ZBTB20: variants seen among roughly 807,000 people sequenced by gnomAD.
ZBTB20 encodes zinc finger and BTB domain-containing protein 20.
A neutral mutation model predicts 56.9 loss-of-function variants in ZBTB20; 9 were observed. The ratio of observed to expected loss-of-function variants is 0.16; its 90% CI spans 0.10 to 0.28. The LOEUF (loss-of-function observed/expected upper bound fraction) is 0.28. Among genes scored for constraint, ZBTB20 ranks in the 10% least tolerant of loss-of-function variants. The pLI is 1.00. For missense variants in ZBTB20, 655 were observed against 1,003.0 expected (o/e 0.65, Z 4.69); for synonymous variants, 417 against 420.7 (o/e 0.99, Z 0.11).
chr3:114,651,794 T>C (rs2060148991), intron 6 of ZBTB20, among the ~76,000 whole-genome samples: 1 of 152,070 alleles, frequency 6.6e-6, no homozygotes, highest in South Asian at 2.1e-4. Context: ...CAAGGCTGTA[T>C]CTGGGCTTGT....
At chr3:114,347,465 C>A (rs1288509671) in intron 11 of ZBTB20, among the ~76,000 whole-genome samples, 1 of 152,080 alleles carries the variant, frequency 6.6e-6, no homozygotes, top group Admixed American at 6.5e-5. Flanking sequence ...TCTTTTTATA[C>A]TAACATTTGG....
intron 5 of ZBTB20, among the ~76,000 whole-genome samples, chr3:114,783,965 G>A (rs2070306791): frequency 6.6e-6 from 1 of 152,074 alleles, no homozygotes; most frequent in Non-Finnish European, 1.5e-5. Flanking sequence ...AACAATTATA[G>A]GCAATACCAA....
chr3:115,034,231 A>T (rs7643617), intron 2 of ZBTB20, among the ~76,000 whole-genome samples: 2 of 151,648 alleles, frequency 1.3e-5, no homozygotes, highest in Non-Finnish European at 3.0e-5. Context: ...TAGTCAGAGC[A>T]GTTAATTAGG....
chr3:115,122,375 C>T (rs140638403), intron 1 of ZBTB20, among the ~76,000 whole-genome samples: 35 of 152,062 alleles, frequency 2.3e-4, no homozygotes, highest in African/African-American at 7.9e-4. Context: ...TGGACAGCGA[C>T]CGTCTAATTC....
chr3:114,526,290 C>T (rs528973678), intron 6 of ZBTB20, among the ~76,000 whole-genome samples: 11 of 152,082 alleles, frequency 7.2e-5, no homozygotes, highest in Admixed American at 6.6e-4. Flanking sequence ...TGACACAATG[C>T]CAAGATATTC....
At chr3:114,532,617 C>T (rs2047984384) in intron 6 of ZBTB20, among the ~76,000 whole-genome samples, 1 of 152,210 alleles carries the variant, frequency 6.6e-6, no homozygotes, top group African/African-American at 2.4e-5. Flanking sequence ...GCAGATCTCC[C>T]ATCACAGAGC....
intron 4 of ZBTB20, among the ~76,000 whole-genome samples, chr3:114,811,762 C>A (rs1327305045): frequency 1.4e-5 from 2 of 138,890 alleles, no homozygotes; most frequent in African/African-American, 5.4e-5. Context: ...AAATCTAATC[C>A]ATGAAACAAA....
intron 4 of ZBTB20, among the ~76,000 whole-genome samples, chr3:114,888,516 A>C (rs1262326429): frequency 1.3e-5 from 2 of 152,218 alleles, no homozygotes; most frequent in African/African-American, 2.4e-5. Flanking sequence ...ATTGGACATA[A>C]ATCAGTTCTC....
intron 4 of ZBTB20, among the ~76,000 whole-genome samples, chr3:114,847,957 T>C (rs2074801097): frequency 1.3e-5 from 2 of 152,276 alleles, no homozygotes; most frequent in South Asian, 2.1e-4. Context: ...ATGCATCTAA[T>C]TGACAGAACC....
chr3:114,676,974 C>T (rs2061668013), intron 6 of ZBTB20, among the ~76,000 whole-genome samples: 1 of 151,970 alleles, frequency 6.6e-6, no homozygotes. Context: ...GGGGTTTCAC[C>T]CTGTTGGCCA....
chr3:114,988,238 C>A (rs559108491), intron 2 of ZBTB20, among the ~76,000 whole-genome samples: 1 of 144,298 alleles, frequency 6.9e-6, no homozygotes, highest in Admixed American at 6.9e-5. Flanking sequence ...TAATGCTACC[C>A]CTCCCTCCCC....
intron 11 of ZBTB20, among the ~76,000 whole-genome samples, chr3:114,345,632 C>T (rs1297985885): frequency 2.6e-5 from 4 of 152,132 alleles, no homozygotes; most frequent in Non-Finnish European, 4.4e-5. Context: ...TTCTCAACTT[C>T]AGCATGAACC....
intron 6 of ZBTB20, among the ~76,000 whole-genome samples, chr3:114,606,367 T>C (rs1436518620): frequency 1.3e-5 from 2 of 152,224 alleles, no homozygotes; most frequent in Admixed American, 6.5e-5. Flanking sequence ...CTTACCGTTC[T>C]TTTAATCAAA....
chr3:114,839,659 TG>T (rs2074299894), intron 4 of ZBTB20, among the ~76,000 whole-genome samples: 1 of 152,212 alleles, frequency 6.6e-6, no homozygotes, highest in Admixed American at 6.5e-5. Context: ...AAAAAGGATC[TG>T]TGCAGATGTA....
intron 3 of ZBTB20, among the ~76,000 whole-genome samples, chr3:114,938,671 G>A (rs1188699035): frequency 3.4e-5 from 5 of 145,424 alleles, no homozygotes; most frequent in South Asian, 2.2e-4. Flanking sequence ...GGGGCCTGTC[G>A]GGTGGTGGGG....
chr3:114,873,553 G>C (rs1438214818), intron 4 of ZBTB20, among the ~76,000 whole-genome samples: 2 of 152,082 alleles, frequency 1.3e-5, no homozygotes, highest in African/African-American at 4.8e-5. Context: ...TCAATGAATA[G>C]AATTTACAAA....
chr3:114,998,658 C>T (rs2079122021), intron 2 of ZBTB20, among the ~76,000 whole-genome samples: 1 of 151,632 alleles, frequency 6.6e-6, no homozygotes, highest in African/African-American at 2.4e-5. Flanking sequence ...TGGTAGTTAA[C>T]TGAATGTGGT....
intron 5 of ZBTB20, among the ~76,000 whole-genome samples, chr3:114,740,623 A>G (rs568907980): frequency 1.3e-5 from 2 of 152,338 alleles, no homozygotes; most frequent in South Asian, 4.1e-4. Flanking sequence ...ATGTGTGTGC[A>G]TATGGGCAAC....
chr3:114,446,566 G>A (rs931988062), intron 7 of ZBTB20, among the ~76,000 whole-genome samples: 2 of 152,084 alleles, frequency 1.3e-5, no homozygotes, highest in East Asian at 1.9e-4. Flanking sequence ...AAAAATCATC[G>A]AATTTATTAC....
Sources: allele counts gnomAD v4.1 joint callset (sites outside exome capture counted in the v4.1 genomes callset), GRCh38; gene constraint gnomAD v4.1.1; transcripts MANE v1.5; gene names NCBI Gene and HGNC (gene_info 2026-07-23, HGNC 2026-07-21).